DST: variants seen among roughly 807,000 people sequenced by gnomAD.
DST encodes dystonin.
Under a neutral mutation model 875.2 loss-of-function variants are expected in DST, and 253 were observed. The ratio of observed to expected loss-of-function variants is 0.29; its 90% CI spans 0.26 to 0.32. The LOEUF is 0.32. Among genes scored for constraint, DST ranks in the 10% least tolerant of loss-of-function variants. DST has a pLI of 1.00. For synonymous variants in DST, 3,124 were observed against 3,197.1 expected, an observed-to-expected ratio of 0.98 and a Z score of 0.77; for missense variants, 8,287 against 9,111.6, an observed-to-expected ratio of 0.91 and a Z score of 3.68.
Position 56,640,037 on chromosome 6 carries a change from C to A in DST, c.2511G>T (p.Glu837Asp). ...CAACACTTGGCAAATCTGAGCCCCA[C>A]TCAGTGCGGTCCAGTTGTACCTTCA... ...DEMQVQLDRT[E>D]WGSDLPSVES... Residue 837 changes from glutamate (E) to aspartate (D), a missense_variant, in exon 19 of 104, where the codon GAG (glutamate) becomes GAT (aspartate). Glu to Asp is a conservative substitution (Grantham distance 45). Around this residue, in one of 10 missense-constraint regions of DST, gnomAD observed 1,160 missense variants for 1,424.3 expected, o/e 0.81. Coordinates refer to ENST00000680361, the MANE Select transcript of DST (RefSeq NM_001374736.1). 6.2e-7 allele frequency: 1 copy of A among 1,614,084 alleles called. No homozygotes were observed. Among genetic ancestry groups the A allele is most frequent in the Non-Finnish European group, 8.5e-7 (1 of 1,180,000 alleles).
chr6:56,542,715 C>G (rs1213564614), intron 61 of DST: 1 of 152,578 alleles, frequency 6.6e-6, no homozygotes, highest in Non-Finnish European at 1.5e-5. Flanking sequence ...AGCTCCGGGG[C>G]TGTCCGCGGC....
intron 10 of DST, among the ~76,000 whole-genome samples, chr6:56,653,164 G>A (rs1176409046): frequency 6.6e-6 from 1 of 152,136 alleles, no homozygotes; most frequent in Non-Finnish European, 1.5e-5. Context: ...AGTCATTGAA[G>A]AATCAAGTTT....
intron 55 of DST, among the ~76,000 whole-genome samples, chr6:56,565,274 C>T (rs2097651169): frequency 6.6e-6 from 1 of 151,966 alleles, no homozygotes; most frequent in African/African-American, 2.4e-5. Flanking sequence ...GCACCCACCA[C>T]CAAGCCCAGT....
At chr6:56,631,850 TA>T in intron 29 of DST, 32 bp downstream of exon 29, 2 of 1,603,644 alleles carry the variant, frequency 1.2e-6, no homozygotes, top group Non-Finnish European at 1.7e-6. Context: ...TTAAGAGAGT[TA>T]GTTTTTTTCC....
At chr6:56,515,317 A>G (rs2096568189) in intron 72 of DST, 133 bp downstream of exon 72, 12 of 1,006,778 alleles carry the variant, frequency 1.2e-5, no homozygotes, top group Non-Finnish European at 1.7e-5. Context: ...GAGGTAAGCA[A>G]ATTACACAGA....
chr6:56,866,055 G>A (rs35440408), intron 3 of DST, among the ~76,000 whole-genome samples: 32,930 of 151,720 alleles, frequency 0.22, 4,353 homozygotes, highest in African/African-American at 0.36. Flanking sequence ...GTGTAGTGGC[G>A]CAATCTCGGC....
Position 56,900,563 on chromosome 6 carries a change from C to T in DST, c.275G>A (p.Arg92His), listed in dbSNP as rs774230622. Reference protein sequence around the residue: ...RRRVAAAAAARLEEVKPVVEV... With the variant: ...RRRVAAAAAAHLEEVKPVVEV... ...CACCACGGGCTTCACTTCTTCCAGA[C>T]GGGCAGCTGCGGCCGCTGCAACTCG... Residue 92 changes from arginine (R) to histidine (H), a missense_variant, in exon 3 of 104, where the codon CGT (arginine) becomes CAT (histidine). Arg to His is a conservative substitution (Grantham distance 29). Transcript: ENST00000680361. 9 of 1,367,636 alleles carry T rather than the reference C, an allele frequency of 6.6e-6. No individual in the cohort carries two copies. Among genetic ancestry groups the T allele is most frequent in the East Asian group, 4.5e-5 (1 of 21,992 alleles). The allele number at this position is 1,367,636 out of a possible 1,614,324, so 84.7% of individuals were successfully genotyped here.
At chr6:56,467,935 C>T (rs753335533) in intron 98 of DST, among the ~76,000 whole-genome samples, 16 of 151,892 alleles carry the variant, frequency 1.1e-4, no homozygotes, top group Admixed American at 2.6e-4. Context: ...CCGAAAATAG[C>T]AAGAATGGAA....
At chr6:56,624,993 C>T (rs1401481989) in intron 35 of DST, among the ~76,000 whole-genome samples, 164 bp downstream of exon 35, 2 of 152,020 alleles carry the variant, frequency 1.3e-5, no homozygotes, top group South Asian at 2.1e-4. Context: ...GTACCAGTTG[C>T]ACAATATTGT....
chr6:56,735,579 T>G (rs959992837), intron 4 of DST, among the ~76,000 whole-genome samples: 1 of 117,368 alleles, frequency 8.5e-6, no homozygotes, highest in Admixed American at 7.7e-5. Flanking sequence ...CACCATGAAG[T>G]TGTCTAACGT....
intron 4 of DST, among the ~76,000 whole-genome samples, chr6:56,767,730 G>C (rs560016846): frequency 6.6e-6 from 1 of 152,094 alleles, no homozygotes; most frequent in Non-Finnish European, 1.5e-5. Context: ...GAAATTGAGG[G>C]TGTGGAGGTT....
At chr6:56,734,541 T>C (rs2099516073) in intron 5 of DST, among the ~76,000 whole-genome samples, 1 of 152,194 alleles carries the variant, frequency 6.6e-6, no homozygotes, top group African/African-American at 2.4e-5. Context: ...AAGTGACCAA[T>C]AGTTTATTGT....
At chr6:56,618,102 T>C in intron 36 of DST, 2 of 1,614,194 alleles carry the variant, frequency 1.2e-6, no homozygotes, top group Non-Finnish European at 1.7e-6. Flanking sequence ...TCAGACAGTC[T>C]TGTAATGGGG....
rs1221270714 is a variant in DST, at chr6:56,648,650, T to C, written c.1474A>G (p.Asn492Asp). The change falls in exon 13 of 104, where the codon AAC (asparagine) becomes GAC (aspartate). Residue 492 changes from asparagine to aspartate, a missense_variant. Coordinates refer to ENST00000680361, the MANE Select transcript of DST (RefSeq NM_001374736.1). ...TGTCTAATCCATTGGATGAGGTAGT[T>C]CACCATATTCTGGTATTCAATCCAT... ...VKWIEYQNMV[N>D]YLIQWIRHHV... The C allele has an allele frequency of 6.3e-7, 1 of 1,585,070 alleles. No individual in the cohort carries two copies. Among genetic ancestry groups the C allele is most frequent in the Non-Finnish European group, 8.6e-7 (1 of 1,162,944 alleles).
intron 5 of DST, among the ~76,000 whole-genome samples, chr6:56,715,261 A>G (rs1184456414): frequency 1.3e-5 from 2 of 152,210 alleles, no homozygotes; most frequent in Non-Finnish European, 2.9e-5. Context: ...CATGGCATCT[A>G]TCGGAGTTAG....
chr6:56,660,982 C>T (rs1029285360), intron 10 of DST, among the ~76,000 whole-genome samples: 9 of 132,296 alleles, frequency 6.8e-5, no homozygotes, highest in Non-Finnish European at 1.0e-4. Flanking sequence ...GACTTTCTCA[C>T]TTCACAAAGA....
chr6:56,886,020 G>C (rs1331157620), intron 3 of DST, among the ~76,000 whole-genome samples: 1 of 152,150 alleles, frequency 6.6e-6, no homozygotes, highest in East Asian at 1.9e-4. Flanking sequence ...AGCAGCATGG[G>C]CTTGATAGTA....
intron 67 of DST, among the ~76,000 whole-genome samples, chr6:56,528,625 C>T (rs1054906152): frequency 3.3e-5 from 5 of 152,182 alleles, no homozygotes; most frequent in South Asian, 2.1e-4. Flanking sequence ...GAGTAATACA[C>T]ACAACTTCCA....
chr6:56,953,966 G>T (rs1454454053), intron 1 of DST, 147 bp from the exon 2 acceptor site: 5 of 414,868 alleles, frequency 1.2e-5, no homozygotes, highest in South Asian at 2.0e-5. Flanking sequence ...GAGGGAGGAG[G>T]AGTCCTGGGG....
Sources: allele counts gnomAD v4.1 joint callset (sites outside exome capture counted in the v4.1 genomes callset), GRCh38; gene constraint gnomAD v4.1.1; regional missense constraint gnomAD v4.1.1; transcripts MANE v1.5; gene names NCBI Gene and HGNC (gene_info 2026-07-23, HGNC 2026-07-21).